GLRA1: variants seen among roughly 807,000 people sequenced by gnomAD.
The protein encoded by GLRA1 is glycine receptor subunit alpha-1.
Under a neutral mutation model 48.3 loss-of-function variants are expected in GLRA1, and 37 were observed. The ratio of observed to expected loss-of-function variants is 0.77; its 90% CI spans 0.59 to 1.01. GLRA1 has a LOEUF of 1.01. Among genes scored for constraint, GLRA1 ranks in the 50% least tolerant of loss-of-function variants. The pLI is 0.00. For missense variants in GLRA1, 427 were observed against 571.0 expected, an observed-to-expected ratio of 0.75 and a Z score of 2.57; for synonymous variants, 196 against 210.7, an observed-to-expected ratio of 0.93 and a Z score of 0.60.
intron 8 of GLRA1, 37 bp from the exon 9 acceptor site, chr5:151,823,000 A>G: frequency 6.4e-7 from 1 of 1,553,924 alleles, no homozygotes. Context: ...ACTTAAAATA[A>G]GACAGGGGCT....
chr5:151,835,925 C>T (rs1467726715), intron 7 of GLRA1, among the ~76,000 whole-genome samples: 3 of 152,198 alleles, frequency 2.0e-5, no homozygotes, highest in Non-Finnish European at 4.4e-5. Context: ...TCTCTCACCA[C>T]TCCTATTCAA....
chr5:151,903,138 C>A (rs1754403051), intron 1 of GLRA1, among the ~76,000 whole-genome samples: 1 of 152,094 alleles, frequency 6.6e-6, no homozygotes, highest in African/African-American at 2.4e-5. Flanking sequence ...GTATTTATTC[C>A]AGAGAAAACA....
chr5:151,920,248 G>A (rs918238260), intron 1 of GLRA1, among the ~76,000 whole-genome samples: 5 of 152,178 alleles, frequency 3.3e-5, no homozygotes, highest in African/African-American at 4.8e-5. Flanking sequence ...ATGTAGAAGT[G>A]TCAGATTCAG....
chr5:151,848,388 A>G (rs1752734983), intron 7 of GLRA1, among the ~76,000 whole-genome samples: 1 of 151,982 alleles, frequency 6.6e-6, no homozygotes, highest in Admixed American at 6.6e-5. Context: ...TTTTTTTTAG[A>G]TGGAGTCTCA....
At chr5:151,849,202 T>TTCCTTCC (rs1752799312) in intron 7 of GLRA1, 1 of 94,398 alleles carries the variant, frequency 1.1e-5, no homozygotes, top group African/African-American at 5.1e-5. Flanking sequence ...CTTTCTTTTC[T>TTCCTTCC]TTCTTTCCTT....
At chr5:151,905,985 T>C (rs1754465539) in intron 1 of GLRA1, among the ~76,000 whole-genome samples, 1 of 152,138 alleles carries the variant, frequency 6.6e-6, no homozygotes, top group Non-Finnish European at 1.5e-5. Context: ...TGAAAGTACT[T>C]ACATTTTGCA....
chr5:151,865,130 T>C (rs1046687455), intron 3 of GLRA1, among the ~76,000 whole-genome samples: 1 of 152,172 alleles, frequency 6.6e-6, no homozygotes, highest in African/African-American at 2.4e-5. Context: ...TTAACTGAGC[T>C]CTCTTAAGTG....
chr5:151,856,504 T>A, intron 4 of GLRA1, 121 bp from the exon 5 acceptor site: 1 of 683,400 alleles, frequency 1.5e-6, no homozygotes, highest in South Asian at 1.5e-5. Context: ...AGGGAACTTG[T>A]GTTTGTTTTT....
At chr5:151,836,072 G>T (rs1167679977) in intron 7 of GLRA1, among the ~76,000 whole-genome samples, 1 of 152,166 alleles carries the variant, frequency 6.6e-6, no homozygotes, top group African/African-American at 2.4e-5. Flanking sequence ...CATTGTCTCA[G>T]CCCAAAATCT....
At chr5:151,875,094 T>A (rs1203477598) in intron 3 of GLRA1, among the ~76,000 whole-genome samples, 2 of 152,158 alleles carry the variant, frequency 1.3e-5, no homozygotes, top group Non-Finnish European at 2.9e-5. Context: ...GATCAACTGA[T>A]CCCAGGATAG....
intron 7 of GLRA1, among the ~76,000 whole-genome samples, chr5:151,837,876 G>T (rs1190960964): frequency 4.6e-5 from 7 of 152,252 alleles, no homozygotes; most frequent in African/African-American, 1.7e-4. Flanking sequence ...GGGTTGATGG[G>T]TGCAGCAAAC....
chr5:151,881,153 T>C (rs1333411074), intron 3 of GLRA1, among the ~76,000 whole-genome samples: 1 of 152,178 alleles, frequency 6.6e-6, no homozygotes, highest in East Asian at 1.9e-4. Context: ...TCCACATACA[T>C]ACTACACAGA....
intron 1 of GLRA1, among the ~76,000 whole-genome samples, chr5:151,907,947 C>T (rs1489253800): frequency 2.6e-5 from 4 of 152,194 alleles, no homozygotes; most frequent in African/African-American, 9.7e-5. Flanking sequence ...GTCATTTCCC[C>T]AGGACTTTCC....
intron 1 of GLRA1, among the ~76,000 whole-genome samples, chr5:151,893,311 T>A (rs1281870622): frequency 2.4e-4 from 34 of 144,644 alleles, no homozygotes; most frequent in African/African-American, 7.5e-4. Context: ...TTTCTTTCTT[T>A]CTTTCTTTCT....
chr5:151,905,817 G>A (rs1238770857), intron 1 of GLRA1, among the ~76,000 whole-genome samples: 2 of 152,208 alleles, frequency 1.3e-5, no homozygotes, highest in Non-Finnish European at 2.9e-5. Flanking sequence ...CATTGCCCAT[G>A]AAATTGTAGA....
At chr5:151,905,157 T>G (rs890637296) in intron 1 of GLRA1, among the ~76,000 whole-genome samples, 1 of 151,970 alleles carries the variant, frequency 6.6e-6, no homozygotes, top group Admixed American at 6.6e-5. Context: ...TTTCAACTCT[T>G]AAAAAAATAA....
At chr5:151,897,872 G>A (rs1248203229) in intron 1 of GLRA1, among the ~76,000 whole-genome samples, 1 of 152,180 alleles carries the variant, frequency 6.6e-6, no homozygotes, top group Non-Finnish European at 1.5e-5. Flanking sequence ...TGTATGTTAT[G>A]TATACAAATA....
At chr5:151,845,575 A>T (rs936671756) in intron 7 of GLRA1, among the ~76,000 whole-genome samples, 20 of 152,204 alleles carry the variant, frequency 1.3e-4, no homozygotes, top group Admixed American at 3.3e-4. Context: ...ACAGATAATA[A>T]TATATGTTTG....
At chr5:151,886,664 A>G in intron 3 of GLRA1, 57 bp downstream of exon 3, 2 of 1,278,912 alleles carry the variant, frequency 1.6e-6, no homozygotes, top group Non-Finnish European at 2.3e-6. Context: ...GAGGATAAAT[A>G]TTTCATGGAG....
Sources: allele counts gnomAD v4.1 joint callset (sites outside exome capture counted in the v4.1 genomes callset), GRCh38; gene constraint gnomAD v4.1.1; transcripts MANE v1.5; gene names NCBI Gene and HGNC (gene_info 2026-07-23, HGNC 2026-07-21).